Variants in MOB3B observed in about 807,000 individuals in gnomAD.
The protein encoded by MOB3B is MOB kinase activator 3B, also known as MOB kinase activator-like 2B.
Under a neutral mutation model 18.7 loss-of-function variants are expected in MOB3B, and 7 were observed. The observed-to-expected ratio is 0.37, with a 90% confidence interval of 0.21 to 0.70. MOB3B has a LOEUF of 0.70. Ranked by LOEUF, MOB3B falls within the 30% of genes least tolerant of loss-of-function variation. MOB3B has a pLI of 0.52. For synonymous variants in MOB3B, 111 were observed against 99.9 expected, an observed-to-expected ratio of 1.11 and a Z score of -0.66; for missense variants, 253 against 281.3, an observed-to-expected ratio of 0.90 and a Z score of 0.72.
chr9:27,427,477 C>A (rs1563866159), intron 2 of MOB3B, among the ~76,000 whole-genome samples: 1 of 152,334 alleles, frequency 6.6e-6, no homozygotes, highest in Non-Finnish European at 1.5e-5. Context: ...CACCTCTCTG[C>A]TCCAGTTACT....
At chr9:27,388,708 A>T (rs1027731331) in intron 2 of MOB3B, among the ~76,000 whole-genome samples, 1 of 151,976 alleles carries the variant, frequency 6.6e-6, no homozygotes, top group Non-Finnish European at 1.5e-5. Flanking sequence ...CCTGTCTAAC[A>T]CATGTTGAAT....
At chr9:27,340,230 G>A (rs1226298470) in intron 3 of MOB3B, among the ~76,000 whole-genome samples, 1 of 152,154 alleles carries the variant, frequency 6.6e-6, no homozygotes. Flanking sequence ...ATATGTGCAG[G>A]CTCCCAAGTG....
chr9:27,342,476 C>T (rs1453691282), intron 3 of MOB3B, among the ~76,000 whole-genome samples: 2 of 151,920 alleles, frequency 1.3e-5, no homozygotes, highest in African/African-American at 4.8e-5. Context: ...TCTCCCTCTC[C>T]CTCTCCCCGG....
At chr9:27,524,011 G>GC (rs1820384473) in intron 1 of MOB3B, among the ~76,000 whole-genome samples, 1 of 151,906 alleles carries the variant, frequency 6.6e-6, no homozygotes, top group African/African-American at 2.4e-5. Flanking sequence ...GAAATACCCT[G>GC]CATCAGTCTT....
Position 27,407,894 on chromosome 9 carries a change from A to G in MOB3B, c.418+47239T>C, listed in dbSNP as rs181450195. ...CCCCCATTTTTGGCTCTGATCCTAAAACTTGGGCTCTGCATTCTTTGATAA... is the reference window on the plus strand; with the variant it reads ...CCCCCATTTTTGGCTCTGATCCTAAGACTTGGGCTCTGCATTCTTTGATAA... On this transcript the variant is annotated intron_variant, in intron 2 of 3. Coordinates refer to ENST00000262244, the MANE Select transcript of MOB3B (RefSeq NM_024761.5). Among the ~76,000 whole-genome samples the G allele has an allele frequency of 6.5e-3, 987 of 152,050 alleles. 7 individuals are homozygous for G. Among genetic ancestry groups the G allele is most frequent in the Non-Finnish European group, 9.7e-3 (659 of 67,982 alleles).
chr9:27,367,563 T>G (rs992543058), intron 2 of MOB3B, among the ~76,000 whole-genome samples: 1 of 152,104 alleles, frequency 6.6e-6, no homozygotes, highest in Non-Finnish European at 1.5e-5. Flanking sequence ...TGTTTTCTTG[T>G]CTGAGGAATG....
chr9:27,505,195 G>A (rs953942642), intron 1 of MOB3B, among the ~76,000 whole-genome samples: 1 of 152,058 alleles, frequency 6.6e-6, no homozygotes, highest in Non-Finnish European at 1.5e-5. Context: ...TCATGTTTTT[G>A]CAAATGACTG....
chr9:27,419,183 C>T (rs1822203056), intron 2 of MOB3B, among the ~76,000 whole-genome samples: 1 of 152,090 alleles, frequency 6.6e-6, no homozygotes, highest in Non-Finnish European at 1.5e-5. Flanking sequence ...AAACTCATCC[C>T]ATGCTCATGG....
At chr9:27,524,627 C>T in intron 1 of MOB3B, 1 of 1,614,116 alleles carries the variant, frequency 6.2e-7, no homozygotes, top group Non-Finnish European at 8.5e-7. Context: ...CCTTCAACAT[C>T]TTCAGCCAAC....
At chr9:27,358,993 C>T (rs1821233036) in intron 3 of MOB3B, 41 bp downstream of exon 3, 8 of 1,598,972 alleles carry the variant, frequency 5.0e-6, no homozygotes, top group Non-Finnish European at 6.0e-6. Context: ...GGCCGAGCTC[C>T]TGGGGTGACT....
chr9:27,358,246 A>G (rs1821222850), intron 3 of MOB3B, among the ~76,000 whole-genome samples: 1 of 152,194 alleles, frequency 6.6e-6, no homozygotes, highest in African/African-American at 2.4e-5. Flanking sequence ...TATATGGGGT[A>G]TAATATAGTA....
At chr9:27,456,016 T>G (rs1822864139) in intron 1 of MOB3B, among the ~76,000 whole-genome samples, 1 of 152,198 alleles carries the variant, frequency 6.6e-6, no homozygotes, top group Admixed American at 6.5e-5. Context: ...ATAGGCTTAG[T>G]GGACCTTTCC....
chr9:27,342,301 T>G (rs1006284096), intron 3 of MOB3B, among the ~76,000 whole-genome samples: 6 of 152,228 alleles, frequency 3.9e-5, no homozygotes, highest in African/African-American at 1.4e-4. Context: ...AGTCCAATAT[T>G]TATTTAATCT....
At chr9:27,435,910 G>C (rs1196761549) in intron 2 of MOB3B, among the ~76,000 whole-genome samples, 1 of 152,094 alleles carries the variant, frequency 6.6e-6, no homozygotes, top group Non-Finnish European at 1.5e-5. Flanking sequence ...CAAGACCAGA[G>C]TTCTTTCTAA....
At chr9:27,367,067 A>AGT (rs895947153) in intron 2 of MOB3B, among the ~76,000 whole-genome samples, 1 of 152,178 alleles carries the variant, frequency 6.6e-6, no homozygotes, top group African/African-American at 2.4e-5. Flanking sequence ...CCTCCTCACA[A>AGT]GTGTCTCCTT....
chr9:27,514,157 C>T (rs1481482539), intron 1 of MOB3B, among the ~76,000 whole-genome samples: 2 of 151,964 alleles, frequency 1.3e-5, no homozygotes, highest in African/African-American at 4.8e-5. Flanking sequence ...ATGGTGAGTT[C>T]TACTCTTAAA....
At chr9:27,390,676 G>A (rs1219034800) in intron 2 of MOB3B, among the ~76,000 whole-genome samples, 1 of 152,204 alleles carries the variant, frequency 6.6e-6, no homozygotes, top group Non-Finnish European at 1.5e-5. Flanking sequence ...TCAGCAGTGA[G>A]AGACTAAGGG....
intron 1 of MOB3B, among the ~76,000 whole-genome samples, chr9:27,514,837 C>G (rs1437932602): frequency 6.6e-6 from 1 of 152,208 alleles, no homozygotes; most frequent in Non-Finnish European, 1.5e-5. Flanking sequence ...GAGACAGCAG[C>G]CTACACAGAG....
intron 3 of MOB3B, among the ~76,000 whole-genome samples, chr9:27,347,864 T>C (rs1250306565): frequency 1.3e-5 from 2 of 152,250 alleles, no homozygotes; most frequent in Admixed American, 6.5e-5. Flanking sequence ...AGCAATAGGC[T>C]ATACCACATA....
Sources: gnomAD v4.1 joint callset for allele counts (sites outside exome capture counted in the v4.1 genomes callset) on GRCh38, gnomAD v4.1.1 for gene constraint, MANE v1.5 for transcripts, NCBI Gene and HGNC (gene_info 2026-07-23, HGNC 2026-07-21) for gene names.